Variants in SLC16A7 observed in about 807,000 individuals in gnomAD.
SLC16A7 encodes the protein solute carrier family 16 member 7.
A neutral mutation model predicts 34.9 loss-of-function variants in SLC16A7; 33 were observed. The ratio of observed to expected loss-of-function variants is 0.94; its 90% CI spans 0.72 to 1.26. The LOEUF (loss-of-function observed/expected upper bound fraction) is 1.26. Ranked by LOEUF, SLC16A7 falls within the 50% of genes most tolerant of loss-of-function variation. SLC16A7 has a pLI of 0.00. For synonymous variants in SLC16A7, 201 were observed against 206.6 expected (o/e 0.97, Z 0.23); for missense variants, 573 against 578.1 (o/e 0.99, Z 0.09).
chr12:59,729,029 A>C (rs1876621630), intron 3 of SLC16A7, among the ~76,000 whole-genome samples: 1 of 152,200 alleles, frequency 6.6e-6, no homozygotes, highest in Non-Finnish European at 1.5e-5. Flanking sequence ...AAAATTGCAA[A>C]ATACCTTTTC....
At chr12:59,603,792 G>A (rs1022945692) in intron 1 of SLC16A7, among the ~76,000 whole-genome samples, 1 of 152,098 alleles carries the variant, frequency 6.6e-6, no homozygotes, top group Non-Finnish European at 1.5e-5. Context: ...AAACTTGGAG[G>A]ACATCTGTTT....
chr12:59,746,958 G>A (rs1434523893), intron 3 of SLC16A7, among the ~76,000 whole-genome samples: 2 of 151,874 alleles, frequency 1.3e-5, no homozygotes, highest in Non-Finnish European at 2.9e-5. Flanking sequence ...TCAGCCTAAC[G>A]GGTAGCTGGG....
chr12:59,754,368 A>G (rs576849129), intron 3 of SLC16A7, among the ~76,000 whole-genome samples: 367 of 152,268 alleles, frequency 2.4e-3, no homozygotes, highest in African/African-American at 8.1e-3. Context: ...AGCAAGACTA[A>G]TAAAGAAGAA....
At chr12:59,618,069 A>G (rs1879535378) in intron 1 of SLC16A7, among the ~76,000 whole-genome samples, 1 of 151,922 alleles carries the variant, frequency 6.6e-6, no homozygotes, top group Non-Finnish European at 1.5e-5. Flanking sequence ...AGGGGCAAAG[A>G]CATTTAGATT....
chr12:59,672,610 T>G (rs1417942344), intron 2 of SLC16A7, among the ~76,000 whole-genome samples: 1 of 152,128 alleles, frequency 6.6e-6, no homozygotes, highest in African/African-American at 2.4e-5. Flanking sequence ...ATTATTATCA[T>G]CATTTAGGTT....
At chr12:59,628,188 G>A (rs752247234) in intron 1 of SLC16A7, among the ~76,000 whole-genome samples, 3 of 151,622 alleles carry the variant, frequency 2.0e-5, no homozygotes, top group Non-Finnish European at 4.4e-5. Context: ...TTTACTAAAA[G>A]ACAAATTTAA....
chr12:59,714,394 T>C lies in SLC16A7; in HGVS notation c.217+9376T>C, dbSNP rs142775182. On this transcript the variant is annotated intron_variant, in intron 3 of 5. Transcript: ENST00000547379. Reference sequence around the variant, plus strand: ...CTGAGTGGATTAAACAATGGAAATTTATTTCTCACAGCTGTGGAGGCAGGA... The same window carrying C: ...CTGAGTGGATTAAACAATGGAAATTCATTTCTCACAGCTGTGGAGGCAGGA... Among the ~76,000 whole-genome samples, 808 of 152,306 alleles carry C rather than the reference T, an allele frequency of 5.3e-3. 7 individuals carry two copies. The highest frequency in any genetic ancestry group is 0.015 in the African/African-American group (622 of 41,584).
chr12:59,605,082 A>G (rs1878874382), intron 1 of SLC16A7, among the ~76,000 whole-genome samples: 1 of 152,104 alleles, frequency 6.6e-6, no homozygotes, highest in African/African-American at 2.4e-5. Context: ...TGATCTCCTG[A>G]CCTTTTGATC....
chr12:59,696,130 AAT>A (rs1327117342), intron 2 of SLC16A7, among the ~76,000 whole-genome samples: 1 of 151,982 alleles, frequency 6.6e-6, no homozygotes, highest in Non-Finnish European at 1.5e-5. Flanking sequence ...TCTTTCTTAT[AAT>A]AATAGGCTTG....
Position 59,786,766 on chromosome 12 carries a change from T to G in SLC16A7, c.*7087T>G, listed in dbSNP as rs1251521080. ...CTCTGAATAAATGCAGGGTTGGAGATAGAATTCAGGTCTTTTAACTTCTAA... is the reference window on the plus strand; with the variant it reads ...CTCTGAATAAATGCAGGGTTGGAGAGAGAATTCAGGTCTTTTAACTTCTAA... On this transcript the variant is annotated 3_prime_UTR_variant, in exon 6 of 6. Transcript: ENST00000547379. 4 of 152,146 alleles carry G rather than the reference T, an allele frequency of 2.6e-5. No individual in the cohort carries two copies. In the South Asian group the frequency reaches 8.3e-4, roughly 31 times the overall value. 9.4% of individuals were successfully genotyped at this position (152,146 alleles called of 1,614,324 possible).
intron 1 of SLC16A7, among the ~76,000 whole-genome samples, chr12:59,605,637 A>G (rs1343976268): frequency 6.6e-6 from 1 of 152,206 alleles, no homozygotes; most frequent in Non-Finnish European, 1.5e-5. Flanking sequence ...TAGAACAGGT[A>G]AGTCCTTTTT....
intron 1 of SLC16A7, among the ~76,000 whole-genome samples, chr12:59,626,736 A>T (rs1879945454): frequency 6.6e-6 from 1 of 151,800 alleles, no homozygotes; most frequent in African/African-American, 2.4e-5. Flanking sequence ...TCCTTTGATT[A>T]TTTAGCTTTT....
intron 2 of SLC16A7, among the ~76,000 whole-genome samples, chr12:59,697,239 G>T (rs1197605601): frequency 6.6e-6 from 1 of 151,950 alleles, no homozygotes; most frequent in Non-Finnish European, 1.5e-5. Flanking sequence ...AGAGAAATGT[G>T]AAACAGTTGA....
intron 1 of SLC16A7, among the ~76,000 whole-genome samples, chr12:59,644,936 T>A (rs571428010): frequency 2.0e-5 from 3 of 152,218 alleles, no homozygotes; most frequent in African/African-American, 7.2e-5. Flanking sequence ...ATGTGAAAGA[T>A]AGAAGTTAAG....
In SLC16A7 at chr12:59,596,783, G is replaced by A. The variant is rs1878424992; in HGVS notation, c.-130+547G>A. 6.6e-6 allele frequency among the ~76,000 whole-genome samples: 1 copy of A among 152,200 alleles called. No homozygotes were observed. The highest frequency in any genetic ancestry group is 1.5e-5 in the Non-Finnish European group (1 of 68,026). ...TTTGAGCAGATGATCAGGACAGGAA[G>A]AGGCTGTGAGGGGAAGACGAAATAC... On this transcript the variant is annotated intron_variant, in intron 1 of 5. Coordinates refer to ENST00000547379, the MANE Select transcript of SLC16A7 (RefSeq NM_001270623.2). This position sits in a 1 kb window ranked among gnomAD's most constrained non-coding sequence, Gnocchi z 5.0.
intron 1 of SLC16A7, among the ~76,000 whole-genome samples, chr12:59,609,943 G>C (rs1420857203): frequency 6.6e-6 from 1 of 152,088 alleles, no homozygotes; most frequent in Non-Finnish European, 1.5e-5. Context: ...CAGTTACAGA[G>C]TTTTTACAGC....
intron 1 of SLC16A7, among the ~76,000 whole-genome samples, chr12:59,625,946 C>G (rs1053649454): frequency 1.3e-5 from 2 of 151,760 alleles, no homozygotes; most frequent in Non-Finnish European, 2.9e-5. Flanking sequence ...CTTAAAGGAG[C>G]AGATTTTTTC....
chr12:59,745,047 A>G (rs909212508), intron 3 of SLC16A7, among the ~76,000 whole-genome samples: 2 of 152,274 alleles, frequency 1.3e-5, no homozygotes, highest in South Asian at 2.1e-4. Context: ...CCCTAAGGTT[A>G]GTTGATTCTG....
In SLC16A7 at chr12:59,756,028, C is replaced by T. The variant is rs193209039; in HGVS notation, c.218-15191C>T. Among the ~76,000 whole-genome samples the T allele has an allele frequency of 7.4e-3, 1,122 of 152,192 alleles. 18 individuals are homozygous for T. Among genetic ancestry groups the T allele is most frequent in the African/African-American group, 0.022 (909 of 41,538 alleles). ...GGGAAAGGATTCCCTATTTAATAAACGGTGCTGGGAAAACTGGCTAGCCAT... is the reference window on the plus strand; with the variant it reads ...GGGAAAGGATTCCCTATTTAATAAATGGTGCTGGGAAAACTGGCTAGCCAT... On this transcript the variant is annotated intron_variant, in intron 3 of 5. Transcript: ENST00000547379.
Sources: allele counts gnomAD v4.1 joint callset (sites outside exome capture counted in the v4.1 genomes callset), GRCh38; gene constraint gnomAD v4.1.1; non-coding constraint Gnocchi (gnomAD v3.1); transcripts MANE v1.5; gene names NCBI Gene and HGNC (gene_info 2026-07-23, HGNC 2026-07-21).